The following FNBP1 variants were observed in gnomAD, a reference collection of about 807,000 sequenced individuals.
FNBP1 encodes formin binding protein 1, also known as formin-binding protein 1.
FNBP1 carries 26 observed loss-of-function variants against 90.6 expected under a neutral mutation model. The ratio of observed to expected loss-of-function variants is 0.29; its 90% CI spans 0.21 to 0.40. FNBP1 has a LOEUF of 0.40. Among genes scored for constraint, FNBP1 ranks in the 10% least tolerant of loss-of-function variants. The pLI, the probability that FNBP1 is intolerant of heterozygous loss-of-function variation, is 1.00. For synonymous variants in FNBP1, 260 were observed against 265.2 expected, an observed-to-expected ratio of 0.98 and a Z score of 0.19; for missense variants, 635 against 768.0, an observed-to-expected ratio of 0.83 and a Z score of 2.05.
chr9:129,937,627 A>G (rs1394346160), intron 6 of FNBP1, among the ~76,000 whole-genome samples: 1 of 151,792 alleles, frequency 6.6e-6, no homozygotes, highest in Admixed American at 6.6e-5. Flanking sequence ...GCTACTCGGG[A>G]GGCTGAGGCA....
At position 130,042,520 on chromosome 9, in the gene FNBP1, C is replaced by T. The variant is rs2059920480; in HGVS notation, c.24+432G>A. 1.3e-5 allele frequency among the ~76,000 whole-genome samples: 2 copies of T among 152,036 alleles called. No homozygotes were observed. The highest frequency in any genetic ancestry group is 6.5e-5 in the Admixed American group (1 of 15,282). On this transcript the variant is annotated intron_variant, in intron 1 of 16. Coordinates refer to ENST00000446176, the MANE Select transcript of FNBP1 (RefSeq NM_015033.3). The surrounding 1 kb of genome is among the most constrained non-coding windows in gnomAD (Gnocchi z 5.5). Reference sequence around the variant, plus strand: ...CCGATCCGCCAGCGCCTCCGCGGAGCCAGGACAGAACTCGCGGCCGGGGCG... The same window carrying T: ...CCGATCCGCCAGCGCCTCCGCGGAGTCAGGACAGAACTCGCGGCCGGGGCG...
intron 6 of FNBP1, among the ~76,000 whole-genome samples, chr9:129,955,259 G>C (rs1378195052): frequency 1.3e-5 from 2 of 151,568 alleles, no homozygotes; most frequent in Non-Finnish European, 2.9e-5. Context: ...TTTGAGACGG[G>C]GTCTGGCTCT....
chr9:130,023,376 C>T (rs529893420), intron 1 of FNBP1, among the ~76,000 whole-genome samples: 9 of 152,214 alleles, frequency 5.9e-5, no homozygotes, highest in African/African-American at 1.7e-4. Context: ...AGCTCACTGG[C>T]GTGTGTAACT....
intron 11 of FNBP1, 70 bp from the exon 12 acceptor site, chr9:129,909,069 G>A (rs2038720650): frequency 9.7e-7 from 1 of 1,029,828 alleles, no homozygotes; most frequent in Non-Finnish European, 1.5e-6. Context: ...TGAAAGCAAA[G>A]CCTGCAGCCA....
At position 129,890,234 on chromosome 9, in the gene FNBP1, A is replaced by T; in HGVS notation, c.*305T>A. On this transcript the variant is annotated 3_prime_UTR_variant, in exon 17 of 17. Transcript: ENST00000446176. The surrounding 1 kb of genome is among the most constrained non-coding windows in gnomAD (Gnocchi z 5.8). The stretch of plus-strand genomic sequence containing the variant: ...GCCCGGGTGGACTGAGGGCCCAGGA[A>T]GGAGCAGGTAGGGGCGTGTGTCCCA... The T allele has an allele frequency of 2.1e-6, 1 of 486,820 alleles. No homozygotes were observed. Among genetic ancestry groups the T allele is most frequent in the Non-Finnish European group, 3.7e-6 (1 of 273,754 alleles). 30.2% of individuals were successfully genotyped at this position (486,820 alleles called of 1,614,324 possible). A position where few individuals can be genotyped will look rare whatever the true frequency, so the allele number is the denominator to read the frequency against.
intron 1 of FNBP1, among the ~76,000 whole-genome samples, chr9:130,028,442 A>T (rs1015222197): frequency 1.3e-5 from 2 of 152,232 alleles, no homozygotes; most frequent in African/African-American, 4.8e-5. Context: ...AAAGCCTATT[A>T]GAATGATGTG....
chr9:129,948,193 A>AGC (rs1564405119), intron 6 of FNBP1, among the ~76,000 whole-genome samples: 1 of 151,944 alleles, frequency 6.6e-6, no homozygotes, highest in African/African-American at 2.4e-5. Context: ...GGATCACTTG[A>AGC]ATCCACGAGG....
At position 129,924,950 on chromosome 9, in the gene FNBP1, C is replaced by A. The variant is rs1311747599; in HGVS notation, c.987+10G>T. 6.2e-7 allele frequency: 1 copy of A among 1,603,584 alleles called. No homozygotes were observed. ...CCTTAGAAAACTCATTTCACGCCAACCATCAGTACCTTATTTTTTTTGATG... is the reference window on the plus strand; with the variant it reads ...CCTTAGAAAACTCATTTCACGCCAAACATCAGTACCTTATTTTTTTTGATG... On this transcript the variant is annotated intron_variant, in intron 9 of 16. Coordinates refer to ENST00000446176, the MANE Select transcript of FNBP1 (RefSeq NM_015033.3).
At position 129,890,245 on chromosome 9, in the gene FNBP1, G is replaced by C. The variant is rs1432203330; in HGVS notation, c.*294C>G. 1 of 503,528 alleles carries C rather than the reference G, an allele frequency of 2.0e-6. No homozygotes were observed. The highest frequency in any genetic ancestry group is 2.0e-5 in the African/African-American group (1 of 50,924). The allele number at this position is 503,528 out of a possible 1,614,324, so 31.2% of individuals were successfully genotyped here. ...CTGAGGGCCCAGGAAGGAGCAGGTA[G>C]GGGCGTGTGTCCCACCGTCTCAGTG... On this transcript the variant is annotated 3_prime_UTR_variant, in exon 17 of 17. Coordinates refer to ENST00000446176, the MANE Select transcript of FNBP1 (RefSeq NM_015033.3). This position sits in a 1 kb window ranked among gnomAD's most constrained non-coding sequence, Gnocchi z 5.8.
At chr9:129,920,292 A>G (rs926523765) in intron 10 of FNBP1, among the ~76,000 whole-genome samples, 4 of 151,896 alleles carry the variant, frequency 2.6e-5, no homozygotes, top group Admixed American at 1.3e-4. Flanking sequence ...TTCCCATTTC[A>G]CTGTTTTAAG....
chr9:129,991,618 T>C (rs1037128700), intron 2 of FNBP1, among the ~76,000 whole-genome samples: 1 of 151,686 alleles, frequency 6.6e-6, no homozygotes, highest in South Asian at 2.1e-4. Flanking sequence ...GTTTCAGACA[T>C]GTTACATTTC....
At chr9:129,908,555 TA>T (rs1347645449) in intron 12 of FNBP1, among the ~76,000 whole-genome samples, 3 of 150,418 alleles carry the variant, frequency 2.0e-5, no homozygotes, top group African/African-American at 4.9e-5. Context: ...TAATTATTAT[TA>T]TTTTTTATTT....
intron 1 of FNBP1, among the ~76,000 whole-genome samples, chr9:130,030,306 A>C (rs2058690815): frequency 6.6e-6 from 1 of 151,802 alleles, no homozygotes. Context: ...GTGGTGGGGC[A>C]CACCTGTAAT....
intron 6 of FNBP1, among the ~76,000 whole-genome samples, chr9:129,954,578 GACC>G (rs1278915323): frequency 6.6e-6 from 1 of 151,892 alleles, no homozygotes; most frequent in Non-Finnish European, 1.5e-5. Context: ...TAATGTAATT[GACC>G]ACGTTAATGA....
At position 129,965,146 on chromosome 9, in the gene FNBP1, A is replaced by G. The variant is rs2048367876; in HGVS notation, c.346-6593T>C. 3.3e-5 allele frequency among the ~76,000 whole-genome samples: 5 copies of G among 152,172 alleles called. 1 individual carries two copies. In the South Asian group the frequency reaches 1.0e-3, roughly 31 times the overall value. On this transcript the variant is annotated intron_variant, in intron 4 of 16. Coordinates refer to ENST00000446176, the MANE Select transcript of FNBP1 (RefSeq NM_015033.3). ...AACTCTAAGCGGCGTGGATATTTCT[A>G]TGGACCATGTGGCGTAATGGCAAAA...
intron 6 of FNBP1, among the ~76,000 whole-genome samples, chr9:129,956,414 G>A (rs1314424125): frequency 6.6e-6 from 1 of 152,080 alleles, no homozygotes; most frequent in Non-Finnish European, 1.5e-5. Flanking sequence ...ATGAGTCCTT[G>A]TTATGTAAAA....
At position 129,957,530 on chromosome 9, in the gene FNBP1, A is replaced by G. The variant is rs1474643596; in HGVS notation, c.409-66T>C. On this transcript the variant is annotated intron_variant, in intron 5 of 16. Transcript: ENST00000446176. The surrounding 1 kb of genome is among the most constrained non-coding windows in gnomAD (Gnocchi z 4.3). ...TACGAGAAGATGTAATTTTATCTAAAGCTCCCAAAGAGCATTGTTCTTTTT... is the reference window on the plus strand; with the variant it reads ...TACGAGAAGATGTAATTTTATCTAAGGCTCCCAAAGAGCATTGTTCTTTTT... 1 of 1,202,454 alleles carries G rather than the reference A, an allele frequency of 8.3e-7. No homozygotes were observed. Among genetic ancestry groups the G allele is most frequent in the East Asian group, 2.4e-5 (1 of 41,804 alleles). 74.5% of individuals were successfully genotyped at this position (1,202,454 alleles called of 1,614,324 possible).
intron 1 of FNBP1, among the ~76,000 whole-genome samples, chr9:130,006,698 C>A (rs1357199716): frequency 1.3e-5 from 2 of 151,964 alleles, no homozygotes; most frequent in African/African-American, 4.8e-5. Context: ...AAAACAGGTA[C>A]AAACTTAGGC....
At chr9:129,907,415 T>C (rs62583607) in intron 12 of FNBP1, among the ~76,000 whole-genome samples, 9,611 of 152,286 alleles carry the variant, frequency 0.063, 407 homozygotes, top group Middle Eastern at 0.15. Flanking sequence ...CAGTAGTAAC[T>C]GATAGAGCCA....
Sources: allele counts gnomAD v4.1 joint callset (sites outside exome capture counted in the v4.1 genomes callset), GRCh38; gene constraint gnomAD v4.1.1; non-coding constraint Gnocchi (gnomAD v3.1); transcripts MANE v1.5; gene names NCBI Gene and HGNC (gene_info 2026-07-23, HGNC 2026-07-21).